The following MTCL1 variants were observed in gnomAD, a reference collection of about 807,000 sequenced individuals.
MTCL1 encodes the protein microtubule cross-linking factor 1.
MTCL1 carries 79 observed loss-of-function variants against 141.4 expected under a neutral mutation model. The ratio of observed to expected loss-of-function variants is 0.56; its 90% CI spans 0.47 to 0.67. The LOEUF is 0.67. MTCL1 is among the 30% of genes least tolerant of loss of function. The pLI is 0.00. For synonymous variants in MTCL1, 914 were observed against 875.8 expected (o/e 1.04, Z -0.77); for missense variants, 2,177 against 2,113.9 (o/e 1.03, Z -0.59).
intron 6 of MTCL1, among the ~76,000 whole-genome samples, chr18:8,785,249 ACAGT>A (rs1457309842): frequency 6.6e-6 from 1 of 152,088 alleles, no homozygotes. Context: ...AACGCATGTC[ACAGT>A]CAGGATAATT....
intron 7 of MTCL1, among the ~76,000 whole-genome samples, chr18:8,791,875 A>G (rs1442926302): frequency 7.2e-6 from 1 of 139,484 alleles, no homozygotes; most frequent in East Asian, 2.0e-4. Context: ...TCAAAGTTTT[A>G]TGCTGAACTT....
chr18:8,786,252 C>A, intron 7 of MTCL1, 161 bp downstream of exon 6: 1 of 845,954 alleles, frequency 1.2e-6, no homozygotes, highest in Non-Finnish European at 1.9e-6. Context: ...TTTTGTGGCA[C>A]TGGGACAGGC....
chr18:8,831,812 A>C (rs1325680971), exon 17 of MTCL1: 4 of 1,550,054 alleles, frequency 2.6e-6, no homozygotes, highest in Non-Finnish European at 3.5e-6. Context: ...GCAAGCTTGC[A>C]TGGATTATCA....
chr18:8,751,119 C>T (rs527561434), intron 4 of MTCL1, among the ~76,000 whole-genome samples: 6 of 152,316 alleles, frequency 3.9e-5, no homozygotes, highest in African/African-American at 9.6e-5. Flanking sequence ...ACATCTTTTC[C>T]GCACATGGAC....
chr18:8,824,830 A>G lies in MTCL1; in HGVS notation c.3320A>G (p.Lys1107Arg), dbSNP rs371811754. 4.2e-5 allele frequency: 67 copies of G among 1,614,028 alleles called. No individual in the cohort carries two copies. The highest frequency in any genetic ancestry group is 5.3e-5 in the African/African-American group (4 of 74,926). Residue 1107 changes from lysine to arginine, a missense_variant, in exon 15 of 17, where the codon AAG becomes AGG. By Grantham distance (26) the Lys-to-Arg change is conservative. Transcript: ENST00000359865. ...CCACCCCTGTCTCCAGACGACCTCA[A>G]GTACATCGAGGAGTTCAACAAGAGC...
intron 4 of MTCL1, among the ~76,000 whole-genome samples, chr18:8,756,547 A>G (rs1198455010): frequency 6.6e-6 from 1 of 151,864 alleles, no homozygotes; most frequent in African/African-American, 2.4e-5. Context: ...ATATGTGTAT[A>G]TATATGTATA....
chr18:8,713,861 TGAGCCCAG>T (rs775258515), upstream of MTCL1, among the ~76,000 whole-genome samples: 2 of 152,198 alleles, frequency 1.3e-5, no homozygotes, highest in Non-Finnish European at 2.9e-5. Context: ...GAAGATCACT[TGAGCCCAG>T]GAGCTCAAGG....
chr18:8,705,851 CCT>C lies in MTCL1; in HGVS notation c.193_194del (p.Ser65LeufsTer149). On this transcript the variant is annotated frameshift_variant, in exon 1 of 14. Coordinates refer to the MTCL1 transcript ENST00000306329. LOFTEE classifies it high-confidence loss of function. This position sits in a 1 kb window ranked among gnomAD's most constrained non-coding sequence, Gnocchi z 5.2. ...CCCGCCGCGCCCGGCCCGGCCGTCC[CCT>C]CCTCGGGCCGAGCCCCGGCTCCCGC... The C allele has an allele frequency of 8.6e-7, 1 of 1,159,958 alleles. No individual in the cohort carries two copies. Among genetic ancestry groups the C allele is most frequent in the Non-Finnish European group, 1.1e-6 (1 of 940,994 alleles). 71.9% of individuals were successfully genotyped at this position (1,159,958 alleles called of 1,614,324 possible).
chr18:8,749,231 C>T (rs977398695), intron 4 of MTCL1, among the ~76,000 whole-genome samples: 1 of 152,198 alleles, frequency 6.6e-6, no homozygotes, highest in Non-Finnish European at 1.5e-5. Context: ...TGTGCTGTGG[C>T]ACCCCCAAAT....
chr18:8,798,470 A>G (rs1034746294), intron 10 of MTCL1, among the ~76,000 whole-genome samples, 179 bp downstream of exon 9: 2 of 152,218 alleles, frequency 1.3e-5, no homozygotes, highest in African/African-American at 4.8e-5. Flanking sequence ...TCACCTCATC[A>G]AACCTTTTCC....
chr18:8,729,800 CA>C (rs1272460469), intron 4 of MTCL1, among the ~76,000 whole-genome samples: 2 of 147,990 alleles, frequency 1.4e-5, no homozygotes, highest in Non-Finnish European at 3.0e-5. Context: ...TTTCTCAGGG[CA>C]AAAGTTTTTA....
intron 11 of MTCL1, chr18:8,809,911 G>A: frequency 3.6e-6 from 1 of 275,446 alleles, no homozygotes; most frequent in Non-Finnish European, 6.9e-6. Context: ...GGAGGACGCT[G>A]CAGGACTGTG....
At chr18:8,778,536 G>T (rs947404374) in intron 5 of MTCL1, among the ~76,000 whole-genome samples, 2 of 152,174 alleles carry the variant, frequency 1.3e-5, no homozygotes, top group Admixed American at 6.5e-5. Flanking sequence ...ATGAGTCGGG[G>T]TAACTAAGAG....
At chr18:8,735,674 T>C (rs1259724499) in intron 4 of MTCL1, among the ~76,000 whole-genome samples, 1 of 152,136 alleles carries the variant, frequency 6.6e-6, no homozygotes, top group East Asian at 1.9e-4. Flanking sequence ...GGAAGTTGAA[T>C]GAAAGCAGGA....
In MTCL1 at chr18:8,721,139, C is replaced by T. The variant is rs188989337; in HGVS notation, c.357+643C>T. ...GCAAATCCTGTTTTGTTATTGACTT[C>T]CATTATAAGATTAAAGCTGAGTGTT... On this transcript the variant is annotated intron_variant, in intron 4 of 16. Transcript: ENST00000359865. 4.2e-3 allele frequency among the ~76,000 whole-genome samples: 633 copies of T among 152,296 alleles called. 3 individuals carry two copies. Among genetic ancestry groups the T allele is most frequent in the African/African-American group, 0.014 (598 of 41,536 alleles).
chr18:8,749,806 G>A (rs564065107), intron 4 of MTCL1, among the ~76,000 whole-genome samples: 27 of 152,252 alleles, frequency 1.8e-4, no homozygotes, highest in African/African-American at 6.3e-4. Flanking sequence ...TGGGACTTCG[G>A]GCAGGTTGCT....
chr18:8,720,314 A>G (rs1264152433), intron 3 of MTCL1, 24 bp from the exon 3 acceptor site: 60 of 1,613,136 alleles, frequency 3.7e-5, no homozygotes, highest in Non-Finnish European at 4.8e-5. Flanking sequence ...ATATCCTGAT[A>G]ATGATCTCTG....
At chr18:8,776,509 G>A (rs1261027233) in intron 4 of MTCL1, among the ~76,000 whole-genome samples, 3 of 152,144 alleles carry the variant, frequency 2.0e-5, no homozygotes, top group Admixed American at 2.0e-4. Context: ...GTAAAACTAG[G>A]CAGGGTTCCC....
At chr18:8,762,842 C>T (rs1352650982) in intron 4 of MTCL1, among the ~76,000 whole-genome samples, 2 of 152,048 alleles carry the variant, frequency 1.3e-5, no homozygotes, top group Non-Finnish European at 2.9e-5. Context: ...AGGAGATGAG[C>T]GTGAGAGCAC....
Sources: gnomAD v4.1 joint callset for allele counts (sites outside exome capture counted in the v4.1 genomes callset) on GRCh38, gnomAD v4.1.1 for gene constraint, Gnocchi (gnomAD v3.1) non-coding constraint, MANE v1.5 for transcripts, NCBI Gene and HGNC (gene_info 2026-07-23, HGNC 2026-07-21) for gene names.